ABAT: variants seen among roughly 807,000 people sequenced by gnomAD.
ABAT encodes 4-aminobutyrate aminotransferase, mitochondrial.
Under a neutral mutation model 64.6 loss-of-function variants are expected in ABAT, and 45 were observed. That is an observed-to-expected ratio of 0.70 (90% CI 0.55 to 0.89). The LOEUF is 0.89. Among genes scored for constraint, ABAT ranks in the 40% least tolerant of loss-of-function variants. ABAT has a pLI of 0.00. For synonymous variants in ABAT, 297 were observed against 250.5 expected, an observed-to-expected ratio of 1.19 and a Z score of -1.75; for missense variants, 633 against 658.4, an observed-to-expected ratio of 0.96 and a Z score of 0.42.
intron 1 of ABAT, among the ~76,000 whole-genome samples, chr16:8,728,996 C>A (rs2142289249): frequency 6.6e-6 from 1 of 152,210 alleles, no homozygotes; most frequent in South Asian, 2.1e-4. Context: ...CATTTTTATT[C>A]ATGAAGCCTC....
At chr16:8,698,057 C>CA (rs1407481896) in intron 1 of ABAT, among the ~76,000 whole-genome samples, 3 of 152,022 alleles carry the variant, frequency 2.0e-5, no homozygotes, top group African/African-American at 4.8e-5. Context: ...GGAGCTGCCG[C>CA]AAAAAAATTG....
chr16:8,738,105 G>C (rs1222680511), intron 2 of ABAT, among the ~76,000 whole-genome samples: 2 of 151,544 alleles, frequency 1.3e-5, no homozygotes, highest in African/African-American at 4.9e-5. Context: ...AGGATCGCTT[G>C]AGCCCAGGGG....
At chr16:8,760,590 G>C (rs115170150) in intron 6 of ABAT, among the ~76,000 whole-genome samples, 24 of 152,356 alleles carry the variant, frequency 1.6e-4, no homozygotes, top group African/African-American at 5.5e-4. Flanking sequence ...GTCTGATGAG[G>C]CCCACTGAGG....
intron 2 of ABAT, 176 bp downstream of exon 2, chr16:8,735,985 G>C: frequency 1.6e-6 from 1 of 614,432 alleles, no homozygotes; most frequent in South Asian, 1.9e-5. Context: ...CCTGAGACTG[G>C]GTATTTTATG....
At chr16:8,721,493 G>A (rs983664249) in intron 1 of ABAT, among the ~76,000 whole-genome samples, 1 of 152,208 alleles carries the variant, frequency 6.6e-6, no homozygotes, top group Non-Finnish European at 1.5e-5. Context: ...CTTCTGGTGA[G>A]CGAGCGTCAG....
chr16:8,722,936 G>A, intron 1 of ABAT: 1 of 1,168,856 alleles, frequency 8.6e-7, no homozygotes, highest in South Asian at 1.3e-5. Context: ...GTCCGAACGG[G>A]CCTTAGAAAC....
Position 8,764,936 on chromosome 16 carries a change from C to A in ABAT, c.540+106C>A. 9.5e-7 allele frequency: 1 copy of A among 1,047,528 alleles called. No individual in the cohort carries two copies. Among genetic ancestry groups the A allele is most frequent in the Non-Finnish European group, 1.5e-6 (1 of 682,236 alleles). The allele number at this position is 1,047,528 out of a possible 1,614,324, so 64.9% of individuals were successfully genotyped here. On this transcript the variant is annotated intron_variant, in intron 8 of 15. Transcript: ENST00000268251. The surrounding 1 kb of genome is among the most constrained non-coding windows in gnomAD (Gnocchi z 4.2). ...CATTCCAATGGGCTGGAGTATTAGA[C>A]ATCAGTACCAGGGTTAAAATACAGG...
Position 8,746,711 on chromosome 16 carries a change from C to CA in ABAT, c.168+625dup, listed in dbSNP as rs988350809. 9.3e-3 allele frequency among the ~76,000 whole-genome samples: 1,234 copies of CA among 132,510 alleles called. 14 individuals carry two copies. Among genetic ancestry groups the CA allele is most frequent in the African/African-American group, 0.028 (1,010 of 35,572 alleles). 86.9% of individuals were successfully genotyped at this position (132,510 alleles called of 152,430 possible). A position where few individuals can be genotyped will look rare whatever the true frequency, so the allele number is the denominator to read the frequency against. On this transcript the variant is annotated intron_variant, in intron 3 of 15. Coordinates refer to ENST00000268251, the MANE Select transcript of ABAT (RefSeq NM_020686.6). ...TGGGCAGCAGAGCAAGACTCTGTCT[C>CA]AAAAAAAAAAAAGAAAAAGAAGCCA...
chr16:8,695,493 G>C (rs966180272), intron 1 of ABAT, among the ~76,000 whole-genome samples: 1 of 152,166 alleles, frequency 6.6e-6, no homozygotes, highest in Non-Finnish European at 1.5e-5. Context: ...CCCAACTGCC[G>C]CTTACTTGTG....
In ABAT at chr16:8,757,752, C is replaced by T. The variant is rs781499078; in HGVS notation, c.317-5C>T. The T allele has an allele frequency of 8.1e-6, 13 of 1,613,882 alleles. No individual in the cohort carries two copies. The highest frequency in any genetic ancestry group is 1.7e-5 in the Admixed American group (1 of 59,982). On this transcript the variant is annotated splice_polypyrimidine_tract_variant and splice_region_variant and intron_variant, in intron 5 of 15. Coordinates refer to ENST00000268251, the MANE Select transcript of ABAT (RefSeq NM_020686.6). ...AGGTCTCTAACAATACTCTCCTGCC[C>T]TCAGGTTACAGCCACCCCGCCCTGC...
intron 1 of ABAT, among the ~76,000 whole-genome samples, chr16:8,694,312 C>A (rs147504471): frequency 3.9e-5 from 6 of 151,978 alleles, no homozygotes; most frequent in African/African-American, 1.5e-4. Context: ...CGTGAGCCAC[C>A]GCGCCCGGCC....
intron 9 of ABAT, among the ~76,000 whole-genome samples, chr16:8,766,577 C>T (rs1253359531): frequency 6.6e-6 from 1 of 151,998 alleles, no homozygotes; most frequent in Non-Finnish European, 1.5e-5. Flanking sequence ...ATCATTTGAA[C>T]CCAGGAGGTG....
chr16:8,764,704 G>T lies in ABAT; in HGVS notation c.448-34G>T. On this transcript the variant is annotated intron_variant, in intron 7 of 15. Coordinates refer to ENST00000268251, the MANE Select transcript of ABAT (RefSeq NM_020686.6). This position sits in a 1 kb window ranked among gnomAD's most constrained non-coding sequence, Gnocchi z 4.2. Reference sequence around the variant, plus strand: ...GAAGCGGGAGGACAGGAGTCATGATGAGCCTGGGCTCACGGCTATTTCCCT... The same window carrying T: ...GAAGCGGGAGGACAGGAGTCATGATTAGCCTGGGCTCACGGCTATTTCCCT... The T allele has an allele frequency of 6.3e-7, 1 of 1,590,338 alleles. No individual in the cohort carries two copies. Among genetic ancestry groups the T allele is most frequent in the East Asian group, 2.2e-5 (1 of 44,756 alleles).
At chr16:8,728,728 G>C (rs942668223) in intron 1 of ABAT, among the ~76,000 whole-genome samples, 1 of 152,074 alleles carries the variant, frequency 6.6e-6, no homozygotes, top group Non-Finnish European at 1.5e-5. Context: ...ACACAAATTA[G>C]CCAGGTGTGG....
Position 8,729,701 on chromosome 16 carries a change from C to G in ABAT, c.-41-5998C>G, listed in dbSNP as rs144370821. On this transcript the variant is annotated intron_variant, in intron 1 of 15. Coordinates refer to ENST00000268251, the MANE Select transcript of ABAT (RefSeq NM_020686.6). ...ATTAGCTGGGTATGGTGGTGCATGC[C>G]TGTAGTCCCAGCTACTTGGCAGGGC... Among the ~76,000 whole-genome samples, 537 of 152,078 alleles carry G rather than the reference C, an allele frequency of 3.5e-3. 1 individual carries two copies. The highest frequency in any genetic ancestry group is 6.1e-3 in the Non-Finnish European group (412 of 67,986).
At chr16:8,758,333 C>T (rs2059702041) in intron 6 of ABAT, among the ~76,000 whole-genome samples, 1 of 152,118 alleles carries the variant, frequency 6.6e-6, no homozygotes, top group Admixed American at 6.6e-5. Context: ...GTCAGGGAGG[C>T]TTCCCAGGGA....
chr16:8,781,904 CCTCCCG>C lies in ABAT; in HGVS notation c.*475_*480del. 3.2e-6 allele frequency: 1 copy of C among 313,290 alleles called. No homozygotes were observed. The highest frequency in any genetic ancestry group is 3.0e-5 in the South Asian group (1 of 33,268). The allele number at this position is 313,290 out of a possible 1,614,324, so 19.4% of individuals were successfully genotyped here. A position where few individuals can be genotyped will look rare whatever the true frequency, so the allele number is the denominator to read the frequency against. On this transcript the variant is annotated 3_prime_UTR_variant, in exon 16 of 16. Coordinates refer to ENST00000268251, the MANE Select transcript of ABAT (RefSeq NM_020686.6). The surrounding 1 kb of genome is among the most constrained non-coding windows in gnomAD (Gnocchi z 4.5). ...AACACACTCTCACCTCCTCTCCCAG[CCTCCCG>C]GAGCTCTGAGCACGCCCCACGCATG...
chr16:8,735,128 C>T (rs1366682031), intron 1 of ABAT, among the ~76,000 whole-genome samples: 8 of 144,074 alleles, frequency 5.6e-5, no homozygotes, highest in African/African-American at 7.9e-5. Flanking sequence ...GAACCGAGAT[C>T]GAGCCACTGC....
chr16:8,747,343 T>C (rs1029887066), intron 3 of ABAT, among the ~76,000 whole-genome samples: 3 of 152,208 alleles, frequency 2.0e-5, no homozygotes, highest in African/African-American at 7.2e-5. Context: ...CATACTTCTT[T>C]TGTCATTGCA....
Sources: gnomAD v4.1 joint callset for allele counts (sites outside exome capture counted in the v4.1 genomes callset) on GRCh38, gnomAD v4.1.1 for gene constraint, Gnocchi (gnomAD v3.1) non-coding constraint, MANE v1.5 for transcripts, NCBI Gene and HGNC (gene_info 2026-07-23, HGNC 2026-07-21) for gene names.